PPL: variants seen among roughly 807,000 people sequenced by gnomAD.
PPL encodes the protein periplakin.
Under a neutral mutation model 194.4 loss-of-function variants are expected in PPL, and 198 were observed. The observed-to-expected ratio is 1.02, with a 90% CI of 0.91 to 1.15. PPL has a LOEUF of 1.15. Ranked by LOEUF, PPL falls within the 50% of genes most tolerant of loss-of-function variation. PPL has a pLI of 0.00. For missense variants in PPL, 2,885 were observed against 2,294.8 expected (o/e 1.26, Z -5.25); for synonymous variants, 1,220 against 972.4 (o/e 1.25, Z -4.74).
Position 4,885,631 on chromosome 16 carries a change from A to G in PPL, c.3024T>C (p.Asp1008=). 6.2e-7 allele frequency: 1 copy of G among 1,612,062 alleles called. No homozygotes were observed. The highest frequency in any genetic ancestry group is 8.5e-7 in the Non-Finnish European group (1 of 1,179,514). ...LRIEPDRAQA[D]EVLQLREELE... ...GCTCCTCCCGCAGCTGCAAGACCTC[A>G]TCCGCCTGGGCCCTGTCAGGCTCGA... is the stretch of plus-strand genomic sequence containing the variant. The change falls in exon 22 of 22, where the codon GAT becomes GAC. Residue 1008 remains aspartate (D), a synonymous_variant. Transcript: ENST00000345988. This position sits in a 1 kb window ranked among gnomAD's most constrained non-coding sequence, Gnocchi z 6.3.
intron 2 of PPL, 95 bp downstream of exon 2, chr16:4,910,755 C>T (rs1029347903): frequency 2.4e-5 from 27 of 1,125,358 alleles, no homozygotes; most frequent in Non-Finnish European, 8.1e-6. Context: ...CACAATCACC[C>T]CTGGGTGAGA....
intron 20 of PPL, among the ~76,000 whole-genome samples, chr16:4,887,566 C>T (rs1369604133): frequency 6.6e-6 from 1 of 152,152 alleles, no homozygotes; most frequent in Non-Finnish European, 1.5e-5. Context: ...CTTCCCAGAT[C>T]CATGGTTCTG....
At chr16:4,918,328 A>T (rs1010604915) in intron 1 of PPL, among the ~76,000 whole-genome samples, 1 of 150,016 alleles carries the variant, frequency 6.7e-6, no homozygotes, top group Non-Finnish European at 1.5e-5. Flanking sequence ...TTTAGAAATG[A>T]CAGGGGTTTG....
In PPL at chr16:4,895,276, G is replaced by A; in HGVS notation, c.1227C>T (p.Asp409=). The change falls in exon 11 of 22, where the codon GAC becomes GAT. Residue 409 remains aspartate, a synonymous_variant. Transcript: ENST00000345988. ...LKPIPVEALC[D]FEGEQGLISR... is the part of the protein sequence containing the mutation. ...CCCCACGCACCTGCTCCCCCTCAAA[G>A]TCACAGAGTGCCTCCACGGGGATGG... 1 of 1,608,204 alleles carries A rather than the reference G, an allele frequency of 6.2e-7. No homozygotes were observed. The highest frequency in any genetic ancestry group is 8.5e-7 in the Non-Finnish European group (1 of 1,176,786).
intron 1 of PPL, among the ~76,000 whole-genome samples, chr16:4,934,806 C>T (rs944662264): frequency 6.6e-6 from 1 of 152,112 alleles, no homozygotes; most frequent in Non-Finnish European, 1.5e-5. Flanking sequence ...TCAAGAGATG[C>T]GTTTGAGAGG....
chr16:4,885,221 C>G lies in PPL; in HGVS notation c.3434G>C (p.Arg1145Pro). ...RQYEDEAAKA[R>P]ASQREKTELL... ...CTCCGTCTTCTCCCTCTGGCTAGCG[C>G]GAGCCTTGGCAGCCTCGTCCTCATA... The change falls in exon 22 of 22, where the codon CGC (arginine) becomes CCC (proline). Residue 1145 changes from arginine (R) to proline (P), a missense_variant. Physicochemically the swap from Arg to Pro is moderately radical, Grantham distance 103. Transcript: ENST00000345988. This position sits in a 1 kb window ranked among gnomAD's most constrained non-coding sequence, Gnocchi z 6.3. 5.6e-6 allele frequency: 9 copies of G among 1,613,968 alleles called. No individual in the cohort carries two copies. Among genetic ancestry groups the G allele is most frequent in the East Asian group, 2.2e-5 (1 of 44,864 alleles).
intron 21 of PPL, among the ~76,000 whole-genome samples, chr16:4,886,367 T>C (rs1433737903): frequency 2.0e-5 from 3 of 152,218 alleles, no homozygotes; most frequent in Admixed American, 2.0e-4. Context: ...TATCTGTCTG[T>C]AGTATGTACC....
chr16:4,924,786 C>T (rs2089124927), intron 1 of PPL, among the ~76,000 whole-genome samples: 3 of 151,034 alleles, frequency 2.0e-5, no homozygotes, highest in Non-Finnish European at 4.4e-5. Context: ...TGGGGCTGTG[C>T]TGGAGGCACC....
intron 8 of PPL, among the ~76,000 whole-genome samples, chr16:4,898,378 C>G (rs2088475984): frequency 6.6e-6 from 1 of 152,176 alleles, no homozygotes; most frequent in African/African-American, 2.4e-5. Context: ...AACTCCATCT[C>G]AGGCGGGGTT....
Position 4,883,213 on chromosome 16 carries a change from T to C in PPL, c.*171A>G. ...TGGTTGGGACGAGAGTTGCCTGTCT[T>C]CAGCCAGTGCCTGTCTCATATGTGG... is the stretch of plus-strand genomic sequence containing the variant. On this transcript the variant is annotated 3_prime_UTR_variant, in exon 22 of 22. Coordinates refer to ENST00000345988, the MANE Select transcript of PPL (RefSeq NM_002705.5). The surrounding 1 kb of genome is among the most constrained non-coding windows in gnomAD (Gnocchi z 4.8). The C allele has an allele frequency of 1.2e-6, 1 of 826,520 alleles. No individual in the cohort carries two copies. Among genetic ancestry groups the C allele is most frequent in the East Asian group, 2.6e-5 (1 of 39,064 alleles). The allele number at this position is 826,520 out of a possible 1,614,324, so 51.2% of individuals were successfully genotyped here.
At chr16:4,926,272 C>A (rs569902677) in intron 1 of PPL, among the ~76,000 whole-genome samples, 16 of 152,312 alleles carry the variant, frequency 1.1e-4, no homozygotes, top group African/African-American at 3.6e-4. Flanking sequence ...CCCAACTGGG[C>A]ACTTTCTAGA....
At chr16:4,908,902 A>G (rs1184031731) in intron 2 of PPL, among the ~76,000 whole-genome samples, 1 of 152,240 alleles carries the variant, frequency 6.6e-6, no homozygotes, top group African/African-American at 2.4e-5. Context: ...TGATGAACAC[A>G]TATTATTTTT....
rs919630428 is a variant in PPL, at chr16:4,893,968, C to T, written c.1395-330G>A. On this transcript the variant is annotated intron_variant, in intron 12 of 21. Coordinates refer to ENST00000345988, the MANE Select transcript of PPL (RefSeq NM_002705.5). ...GAAGGCATTCCTTGAATGATCCACTCATTCAGCAAGGAGTTCCTGGGCACC... is the reference window on the plus strand; with the variant it reads ...GAAGGCATTCCTTGAATGATCCACTTATTCAGCAAGGAGTTCCTGGGCACC... 7 of 400,904 alleles carry T rather than the reference C, an allele frequency of 1.7e-5. No homozygotes were observed. In the South Asian group the frequency reaches 3.2e-4, roughly 18 times the overall value. The allele number at this position is 400,904 out of a possible 1,614,324, so 24.8% of individuals were successfully genotyped here.
intron 6 of PPL, among the ~76,000 whole-genome samples, chr16:4,900,407 C>T (rs1262604054): frequency 1.5e-5 from 2 of 136,076 alleles, no homozygotes; most frequent in Non-Finnish European, 3.1e-5. Flanking sequence ...CTCAACCCCT[C>T]TCCTGATTGA....
intron 1 of PPL, among the ~76,000 whole-genome samples, chr16:4,912,726 G>T (rs1255937828): frequency 6.6e-6 from 1 of 152,234 alleles, no homozygotes; most frequent in African/African-American, 2.4e-5. Flanking sequence ...GTGACACTGG[G>T]CTGCCCGCTG....
intron 1 of PPL, among the ~76,000 whole-genome samples, chr16:4,930,998 A>C (rs2089218941): frequency 6.6e-6 from 1 of 152,142 alleles, no homozygotes; most frequent in South Asian, 2.1e-4. Context: ...GAGTGGAAGA[A>C]GGAACAGTGA....
chr16:4,928,620 T>C (rs1290099160), intron 1 of PPL, among the ~76,000 whole-genome samples: 2 of 152,220 alleles, frequency 1.3e-5, no homozygotes, highest in Non-Finnish European at 1.5e-5. Flanking sequence ...GCCTTCGCCA[T>C]GGCGATGGTT....
rs1567992942 is a variant in PPL, at chr16:4,889,254, T to TGG, written c.2314-194_2314-193insCC. On this transcript the variant is annotated intron_variant, in intron 18 of 21. Coordinates refer to ENST00000345988, the MANE Select transcript of PPL (RefSeq NM_002705.5). ...TTTGTTGTTGTTGTTTTTTTTTTTT[T>TGG]TTTTTTTTTTTTTTTTTTTTGAGAC... is the stretch of plus-strand genomic sequence containing the variant. 4.9e-4 allele frequency among the ~76,000 whole-genome samples: 58 copies of TGG among 119,540 alleles called. 3 individuals are homozygous for TGG. Among genetic ancestry groups the TGG allele is most frequent in the Middle Eastern group, 3.8e-3 (1 of 260 alleles). The allele number at this position is 119,540 out of a possible 152,430, so 78.4% of individuals were successfully genotyped here.
intron 14 of PPL, chr16:4,892,897 C>T (rs1345197233): frequency 6.9e-6 from 2 of 291,070 alleles, no homozygotes; most frequent in Non-Finnish European, 6.4e-6. Flanking sequence ...TAAATACAAA[C>T]GCTAACGTGT....
Sources: allele counts gnomAD v4.1 joint callset (sites outside exome capture counted in the v4.1 genomes callset), GRCh38; gene constraint gnomAD v4.1.1; non-coding constraint Gnocchi (gnomAD v3.1); transcripts MANE v1.5; gene names NCBI Gene and HGNC (gene_info 2026-07-23, HGNC 2026-07-21).